ZNF732: variants seen among roughly 807,000 people sequenced by gnomAD.
ZNF732 encodes the protein zinc finger protein LOC654254.
A neutral mutation model predicts 11.5 loss-of-function variants in ZNF732; 12 were observed. The observed-to-expected ratio is 1.05, with a 90% CI of 0.67 to 1.70. The LOEUF is 1.70. ZNF732 is among the 40% of genes most tolerant of loss of function. The pLI, the probability that ZNF732 is intolerant of heterozygous loss-of-function variation, is 0.00. For synonymous variants in ZNF732, 231 were observed against 236.5 expected, an observed-to-expected ratio of 0.98 and a Z score of 0.21; for missense variants, 702 against 676.9, an observed-to-expected ratio of 1.04 and a Z score of -0.41.
intron 3 of ZNF732, among the ~76,000 whole-genome samples, chr4:276,154 G>A (rs1346985409): frequency 6.6e-6 from 1 of 151,648 alleles, no homozygotes; most frequent in Non-Finnish European, 1.5e-5. Flanking sequence ...GTAAAATTAG[G>A]AGAATTTCAA....
At chr4:288,232 C>A (rs1719771620) in intron 3 of ZNF732, among the ~76,000 whole-genome samples, 1 of 152,028 alleles carries the variant, frequency 6.6e-6, no homozygotes, top group African/African-American at 2.4e-5. Context: ...TGTTAATGTG[C>A]AGAGATAAAT....
intron 3 of ZNF732, among the ~76,000 whole-genome samples, chr4:291,984 C>A (rs1405514877): frequency 3.9e-5 from 6 of 152,160 alleles, no homozygotes; most frequent in Admixed American, 1.3e-4. Flanking sequence ...CTTGTCAATA[C>A]GTGGTGCCAG....
chr4:303,407 A>C (rs782793566), intron 1 of ZNF732, among the ~76,000 whole-genome samples: 4 of 152,184 alleles, frequency 2.6e-5, no homozygotes, highest in East Asian at 1.9e-4. Flanking sequence ...ACCTGAGGTA[A>C]GGAGTTCGAG....
intron 1 of ZNF732, among the ~76,000 whole-genome samples, chr4:299,647 A>G (rs1720070823): frequency 7.2e-6 from 1 of 139,696 alleles, no homozygotes; most frequent in African/African-American, 2.7e-5. Context: ...TTTATATATT[A>G]CATATGTAAA....
intron 3 of ZNF732, among the ~76,000 whole-genome samples, chr4:282,863 A>G (rs1368428537): frequency 6.6e-6 from 1 of 152,222 alleles, no homozygotes; most frequent in African/African-American, 2.4e-5. Flanking sequence ...AACACCATAC[A>G]AGGGAAGGCA....
chr4:293,233 GGT>G (rs199884660), intron 3 of ZNF732, among the ~76,000 whole-genome samples: 2 of 131,886 alleles, frequency 1.5e-5, no homozygotes, highest in African/African-American at 3.2e-5. Flanking sequence ...GCCAAAATAT[GGT>G]GTGTGTGTGT....
At chr4:273,285 C>T (rs1351126438) in intron 3 of ZNF732, among the ~76,000 whole-genome samples, 1 of 152,040 alleles carries the variant, frequency 6.6e-6, no homozygotes. Flanking sequence ...TTACTATAAT[C>T]CGTATCAAAG....
chr4:303,889 T>C (rs1020380129), intron 1 of ZNF732, among the ~76,000 whole-genome samples: 1 of 152,092 alleles, frequency 6.6e-6, no homozygotes, highest in African/African-American at 2.4e-5. Flanking sequence ...TCAAGAGTCA[T>C]GGTGGGGACA....
At chr4:277,359 C>G (rs1553838866) in intron 3 of ZNF732, among the ~76,000 whole-genome samples, 1 of 151,846 alleles carries the variant, frequency 6.6e-6, no homozygotes, top group Non-Finnish European at 1.5e-5. Flanking sequence ...GTAATCTACA[C>G]AATGAAATAA....
At chr4:285,556 G>A (rs782416137) in intron 3 of ZNF732, among the ~76,000 whole-genome samples, 1 of 152,192 alleles carries the variant, frequency 6.6e-6, no homozygotes, top group Non-Finnish European at 1.5e-5. Context: ...GTGTGTGAAT[G>A]TGCAGAAATC....
At position 270,894 on chromosome 4, in the gene ZNF732, T is replaced by C. The variant is rs1167878443; in HGVS notation, c.*205A>G. ...CAATTTTCTTATGTTGATTCAGGTA[T>C]GCGGACTGTTTGAAGGCTTTCCCAC... On this transcript the variant is annotated 3_prime_UTR_variant, in exon 4 of 4. Transcript: ENST00000419098. The C allele has an allele frequency of 9.7e-6, 7 of 719,928 alleles. No homozygotes were observed. The East Asian group carries it at 1.3e-4, about 14-fold the overall frequency. 44.6% of individuals were successfully genotyped at this position (719,928 alleles called of 1,614,324 possible). A position where few individuals can be genotyped will look rare whatever the true frequency, so the allele number is the denominator to read the frequency against.
intron 3 of ZNF732, 36 bp from the exon 4 acceptor site, chr4:272,666 G>A: frequency 6.9e-7 from 1 of 1,442,842 alleles, no homozygotes; most frequent in Non-Finnish European, 9.2e-7. Flanking sequence ...CTGCTTACTA[G>A]ATTCATACGA....
At position 272,572 on chromosome 4, in the gene ZNF732, G is replaced by A. The variant is rs782358733; in HGVS notation, c.285C>T (p.Phe95=). The change falls in exon 4 of 4, where the codon TTC becomes TTT. Residue 95 remains phenylalanine, a synonymous_variant. Coordinates refer to ENST00000419098, the MANE Select transcript of ZNF732 (RefSeq NM_001137608.3). ...CATATCTTCTTAATATAAGTTTGTG[G>A]AACGAATCTTCTATCCCCTGCACTG... The part of the protein sequence containing the change: ...FLPVQGIEDS[F]HKLILRRYEK... 2.5e-6 allele frequency: 4 copies of A among 1,589,094 alleles called. No homozygotes were observed. The highest frequency in any genetic ancestry group is 2.7e-5 in the African/African-American group (2 of 73,542).
At chr4:305,212 G>A (rs534028039) in intron 1 of ZNF732, 96 bp downstream of exon 1, 263 of 1,474,716 alleles carry the variant, frequency 1.8e-4, no homozygotes, top group Non-Finnish European at 2.2e-4. Context: ...CGGCGGCAGC[G>A]GAGACTCCGT....
rs199525318 is a variant in ZNF732, at chr4:299,367, A to ATG, written c.4-3214_4-3213dup. Among the ~76,000 whole-genome samples, 65 of 108,140 alleles carry ATG rather than the reference A, an allele frequency of 6.0e-4. 4 individuals carry two copies. The highest frequency in any genetic ancestry group is 1.5e-3 in the African/African-American group (48 of 32,818). The allele number at this position is 108,140 out of a possible 152,430, so 70.9% of individuals were successfully genotyped here. ...AGTATATATACACATATATACACAT[A>ATG]TGTGTATATATATATACACATATGT... On this transcript the variant is annotated intron_variant, in intron 1 of 3. Coordinates refer to ENST00000419098, the MANE Select transcript of ZNF732 (RefSeq NM_001137608.3).
In ZNF732 at chr4:270,687, G is replaced by T; in HGVS notation, c.*412C>A. On this transcript the variant is annotated 3_prime_UTR_variant, in exon 4 of 4. Coordinates refer to ENST00000419098, the MANE Select transcript of ZNF732 (RefSeq NM_001137608.3). ...TGCCAGATTCCTTACATTTGTAGGT[G>T]TTCTCTCCATTATGAATTTTCTCAT... 2.6e-6 allele frequency: 1 copy of T among 386,392 alleles called. No homozygotes were observed. The highest frequency in any genetic ancestry group is 5.1e-6 in the Non-Finnish European group (1 of 196,512). 23.9% of individuals were successfully genotyped at this position (386,392 alleles called of 1,614,324 possible).
intron 3 of ZNF732, among the ~76,000 whole-genome samples, chr4:273,386 T>G (rs1235350618): frequency 6.8e-6 from 1 of 146,952 alleles, no homozygotes; most frequent in African/African-American, 2.7e-5. Flanking sequence ...CAAGCAAATA[T>G]TATAATGTAT....
At chr4:283,541 T>C (rs1560159712) in intron 3 of ZNF732, among the ~76,000 whole-genome samples, 1 of 151,074 alleles carries the variant, frequency 6.6e-6, no homozygotes, top group African/African-American at 2.4e-5. Context: ...GATATAGTGA[T>C]AAGAGGCTAA....
chr4:281,641 C>T (rs1353717350), intron 3 of ZNF732, among the ~76,000 whole-genome samples: 1 of 152,182 alleles, frequency 6.6e-6, no homozygotes, highest in Non-Finnish European at 1.5e-5. Context: ...GACCCGGATT[C>T]CAAAGCACTT....
Sources: allele counts gnomAD v4.1 joint callset (sites outside exome capture counted in the v4.1 genomes callset), GRCh38; gene constraint gnomAD v4.1.1; transcripts MANE v1.5; gene names NCBI Gene and HGNC (gene_info 2026-07-23, HGNC 2026-07-21).